Variants in FRMD6 observed in about 807,000 individuals in gnomAD.
FRMD6 encodes the protein FERM domain-containing protein 6.
In FRMD6, 37 loss-of-function variants were observed where a neutral mutation model predicts 73.2. The ratio of observed to expected loss-of-function variants is 0.51; its 90% CI spans 0.39 to 0.66. FRMD6 has a LOEUF of 0.66. Ranked by LOEUF, FRMD6 falls within the 30% of genes least tolerant of loss-of-function variation. FRMD6 has a pLI of 0.00. For missense variants in FRMD6, 714 were observed against 780.5 expected, an observed-to-expected ratio of 0.91 and a Z score of 1.02; for synonymous variants, 273 against 282.2, an observed-to-expected ratio of 0.97 and a Z score of 0.33.
chr14:51,427,384 T>A, the FRMD6 span, among the ~76,000 whole-genome samples: 3 of 152,234 alleles, frequency 2.0e-5, no homozygotes, highest in African/African-American at 7.2e-5. Context: ...GAGGTACAAT[T>A]TGGCTTCACA....
At chr14:51,558,187 G>A (rs1032533965) in intron 1 of FRMD6, among the ~76,000 whole-genome samples, 2 of 151,938 alleles carry the variant, frequency 1.3e-5, no homozygotes, top group African/African-American at 2.4e-5. Context: ...AATTAAATGA[G>A]GCCGGGCACG....
chr14:51,635,214 CTTCAA>C (rs926716658), intron 2 of FRMD6, among the ~76,000 whole-genome samples: 3 of 152,122 alleles, frequency 2.0e-5, no homozygotes, highest in East Asian at 3.9e-4. Context: ...GAGACTCCAT[CTTCAA>C]TTCAATTCAA....
intron 11 of FRMD6, among the ~76,000 whole-genome samples, chr14:51,721,737 A>AGGAG (rs1555340774): frequency 2.4e-5 from 1 of 41,562 alleles, no homozygotes; most frequent in Non-Finnish European, 4.4e-5. Context: ...GAAGGGAGGG[A>AGGAG]GGAAGGAAGG....
chr14:51,575,376 C>T, intron 2 of FRMD6, among the ~76,000 whole-genome samples: 1 of 152,218 alleles, frequency 6.6e-6, no homozygotes, highest in East Asian at 1.9e-4. Flanking sequence ...CTTGTCTGTG[C>T]TCCCTGAACA....
chr14:51,503,289 G>A (rs7492352), intron 1 of FRMD6, among the ~76,000 whole-genome samples: 69,025 of 151,956 alleles, frequency 0.45, 16,667 homozygotes, highest in African/African-American at 0.6. Context: ...TTCAAGGGGA[G>A]TGCTTCTAGC....
At chr14:51,455,070 T>C in the FRMD6 span, among the ~76,000 whole-genome samples, 1 of 151,202 alleles carries the variant, frequency 6.6e-6, no homozygotes, top group Admixed American at 6.6e-5. Flanking sequence ...AGAGAGAGAG[T>C]GAGAGCGAGC....
the FRMD6 span, among the ~76,000 whole-genome samples, chr14:51,482,674 C>CTCTGTGTG: frequency 2.7e-5 from 4 of 148,742 alleles, no homozygotes; most frequent in African/African-American, 1.0e-4. Context: ...TTTGCAGGAA[C>CTCTGTGTG]TGTGTGTGTG....
At chr14:51,509,392 TG>T (rs1288710483) in intron 1 of FRMD6, among the ~76,000 whole-genome samples, 3 of 151,990 alleles carry the variant, frequency 2.0e-5, no homozygotes, top group East Asian at 2.0e-4. Context: ...CCAGGCGTAG[TG>T]GCAGATGCCT....
chr14:51,494,083 T>C (rs2140179579), intron 1 of FRMD6, among the ~76,000 whole-genome samples: 1 of 152,150 alleles, frequency 6.6e-6, no homozygotes, highest in South Asian at 2.1e-4. Flanking sequence ...CTATGAATTC[T>C]TGGGGTACAC....
chr14:51,713,739 A>C (rs752758492), intron 9 of FRMD6: 6 of 152,206 alleles, frequency 3.9e-5, no homozygotes, highest in Non-Finnish European at 8.8e-5. Context: ...ATCTGATTTC[A>C]CTTTACTTAT....
At chr14:51,411,626 C>T in the FRMD6 span, among the ~76,000 whole-genome samples, 1 of 152,198 alleles carries the variant, frequency 6.6e-6, no homozygotes, top group Non-Finnish European at 1.5e-5. Context: ...TCTATGCACC[C>T]ATGGTTTGAT....
the FRMD6 span, among the ~76,000 whole-genome samples, chr14:51,411,261 T>C: frequency 6.6e-6 from 1 of 152,190 alleles, no homozygotes; most frequent in African/African-American, 2.4e-5. Context: ...AAGAGGGAGT[T>C]GGCAGCAAGA....
intron 2 of FRMD6, among the ~76,000 whole-genome samples, chr14:51,597,569 G>A (rs1264528281): frequency 6.6e-6 from 1 of 152,220 alleles, no homozygotes; most frequent in African/African-American, 2.4e-5. Flanking sequence ...CCACCCTGTA[G>A]AAGGCCATCC....
chr14:51,610,325 A>T (rs1890438586), intron 2 of FRMD6, among the ~76,000 whole-genome samples: 1 of 108,860 alleles, frequency 9.2e-6, no homozygotes, highest in African/African-American at 3.7e-5. Context: ...TCTTTTTTTA[A>T]TCCCTTTTTT....
At chr14:51,647,962 A>AT (rs1409090138), upstream of FRMD6, among the ~76,000 whole-genome samples, 1 of 152,104 alleles carries the variant, frequency 6.6e-6, no homozygotes, top group Non-Finnish European at 1.5e-5. Context: ...AGTAGCTGGG[A>AT]TTACCGGCAT....
chr14:51,666,645 C>T (rs930423255), intron 1 of FRMD6, among the ~76,000 whole-genome samples: 7 of 152,018 alleles, frequency 4.6e-5, no homozygotes, highest in African/African-American at 1.7e-4. Flanking sequence ...AAAAATTTAA[C>T]CTTACAAACA....
chr14:51,699,292 C>T (rs905834289), intron 3 of FRMD6, among the ~76,000 whole-genome samples: 2 of 152,054 alleles, frequency 1.3e-5, no homozygotes, highest in African/African-American at 2.4e-5. Context: ...AGTTGCTAAG[C>T]TCCATCCTTG....
At chr14:51,459,610 G>C in the FRMD6 span, among the ~76,000 whole-genome samples, 1 of 151,880 alleles carries the variant, frequency 6.6e-6, no homozygotes, top group East Asian at 1.9e-4. Context: ...GGCGGATCAC[G>C]AGGTCAGGAG....
intron 8 of FRMD6, 61 bp from the exon 9 acceptor site, chr14:51,712,422 G>A: frequency 9.8e-7 from 1 of 1,015,360 alleles, no homozygotes; most frequent in Non-Finnish European, 1.5e-6. Context: ...AAAGAAGTTA[G>A]AGCCATTTTA....
Sources: gnomAD v4.1 joint callset for allele counts (sites outside exome capture counted in the v4.1 genomes callset) on GRCh38, gnomAD v4.1.1 for gene constraint, MANE v1.5 for transcripts, NCBI Gene and HGNC (gene_info 2026-07-23, HGNC 2026-07-21) for gene names.